The following UTP4 variants were observed in gnomAD, a reference collection of about 807,000 sequenced individuals.
The protein encoded by UTP4 is UTP4 small subunit processome component.
A neutral mutation model predicts 82.4 loss-of-function variants in UTP4; 45 were observed. The ratio of observed to expected loss-of-function variants is 0.55; its 90% confidence interval spans 0.43 to 0.70. The LOEUF is 0.70. UTP4 is among the 30% of genes least tolerant of loss of function. UTP4 has a pLI of 0.00. For synonymous variants in UTP4, 348 were observed against 300.3 expected, an observed-to-expected ratio of 1.16 and a Z score of -1.64; for missense variants, 819 against 858.3, an observed-to-expected ratio of 0.95 and a Z score of 0.57.
At position 69,157,230 on chromosome 16, in the gene UTP4, G is replaced by C; in HGVS notation, c.1434G>C (p.Gln478His). The change falls in exon 12 of 17, where the codon CAG (glutamine) becomes CAC (histidine). Residue 478 changes from glutamine to histidine, a missense_variant. By Grantham distance (24) the Gln-to-His change is conservative. Transcript: ENST00000314423. ...GGSFKHLHAF[Q>H]PQSGTVEAMC... is the part of the protein sequence containing the mutation. The stretch of plus-strand genomic sequence containing the variant: ...GCTTCAAGCACCTGCATGCTTTCCA[G>C]CCTCAGTCAGGTGGGAATCTGGTAA... 6.2e-7 allele frequency: 1 copy of C among 1,614,072 alleles called. No individual in the cohort carries two copies. The highest frequency in any genetic ancestry group is 8.5e-7 in the Non-Finnish European group (1 of 1,179,986).
At chr16:69,149,995 T>C (rs752013185) in intron 6 of UTP4, among the ~76,000 whole-genome samples, 2 of 152,216 alleles carry the variant, frequency 1.3e-5, no homozygotes, top group African/African-American at 2.4e-5. Context: ...CTCAAAGTGC[T>C]GGGATTATAG....
intron 15 of UTP4, chr16:69,166,742 G>T: frequency 3.2e-6 from 1 of 317,194 alleles, no homozygotes; most frequent in South Asian, 3.3e-5. Flanking sequence ...ATACTGATGA[G>T]ACAGGCCAGA....
At chr16:69,155,499 C>T (rs1963387412) in intron 10 of UTP4, among the ~76,000 whole-genome samples, 1 of 152,190 alleles carries the variant, frequency 6.6e-6, no homozygotes, top group Admixed American at 6.6e-5. Context: ...TCTTAGAAGT[C>T]TTTAAAGCAG....
chr16:69,156,616 G>T (rs1183310598), intron 11 of UTP4, among the ~76,000 whole-genome samples: 1 of 151,584 alleles, frequency 6.6e-6, no homozygotes, highest in African/African-American at 2.4e-5. Context: ...CCACCACCAG[G>T]CCTGGCTACT....
At chr16:69,138,049 T>C in intron 4 of UTP4, 164 bp downstream of exon 4, 3 of 629,048 alleles carry the variant, frequency 4.8e-6, no homozygotes, top group Non-Finnish European at 8.5e-6. Context: ...GCTTTACCCA[T>C]TGTATAGCAT....
Position 69,155,956 on chromosome 16 carries a change from G to A in UTP4, c.1250G>A (p.Arg417Gln), listed in dbSNP as rs145912451. The change falls in exon 11 of 17, where the codon CGG becomes CAG. Residue 417 changes from arginine to glutamine, a missense_variant. Coordinates refer to ENST00000314423, the MANE Select transcript of UTP4 (RefSeq NM_032830.3). ...YSTVSRFFLY[R>Q]LNYEHDNISL... ...ACAGTTTCTCGGTTTTTTCTCTATC[G>A]GCTGAATTATGAACATGACAACATA... 3.7e-6 allele frequency: 6 copies of A among 1,613,846 alleles called. No individual in the cohort carries two copies. Among genetic ancestry groups the A allele is most frequent in the South Asian group, 1.1e-5 (1 of 91,076 alleles).
intron 4 of UTP4, among the ~76,000 whole-genome samples, chr16:69,138,703 C>T (rs915224863): frequency 5.4e-4 from 83 of 152,328 alleles, no homozygotes; most frequent in African/African-American, 1.9e-3. Flanking sequence ...ACATTTTAGG[C>T]TTTGCCAAAC....
chr16:69,147,782 G>A (rs2152279514), intron 6 of UTP4, among the ~76,000 whole-genome samples: 1 of 152,288 alleles, frequency 6.6e-6, no homozygotes. Context: ...ATGAAACACA[G>A]TTTTGACTGT....
At chr16:69,138,769 G>A (rs1368441458) in intron 4 of UTP4, among the ~76,000 whole-genome samples, 2 of 152,098 alleles carry the variant, frequency 1.3e-5, no homozygotes, top group African/African-American at 4.8e-5. Context: ...AGACGATACT[G>A]AAACTAATGG....
rs1962830364 is a variant in UTP4 at position 69,136,985 on chromosome 16, C to T, written c.351+98C>T. 5.0e-6 allele frequency: 5 copies of T among 1,001,746 alleles called. No individual in the cohort carries two copies. In the East Asian group the frequency reaches 1.2e-4, roughly 24 times the overall value. The allele number at this position is 1,001,746 out of a possible 1,614,324, so 62.1% of individuals were successfully genotyped here. ...ATAGGAGAGTAACGATATATTATGGCATGTGGCAACCCCAACTATAAGATT... is the reference window on the plus strand; with the variant it reads ...ATAGGAGAGTAACGATATATTATGGTATGTGGCAACCCCAACTATAAGATT... On this transcript the variant is annotated intron_variant, in intron 3 of 16. Transcript: ENST00000314423.
chr16:69,147,570 G>A (rs1452312781), intron 6 of UTP4, among the ~76,000 whole-genome samples: 5 of 152,128 alleles, frequency 3.3e-5, no homozygotes, highest in Non-Finnish European at 7.4e-5. Context: ...TACAGGTTGA[G>A]TGTCTCTGAT....
rs1337025733 is a variant in UTP4, at chr16:69,143,320, A to G, written c.669A>G (p.Ser223=). ...CTGGGAAGGTGCAGTTCTGGGACTC[A>G]GCCACTGGGACGCTTGTGAAGAGCC... ...DSAGKVQFWD[S]ATGTLVKSHL... is the part of the protein sequence containing the mutation. Residue 223 remains serine (S), a synonymous_variant, in exon 6 of 17, where the codon TCA becomes TCG. Coordinates refer to ENST00000314423, the MANE Select transcript of UTP4 (RefSeq NM_032830.3). The G allele has an allele frequency of 1.2e-6, 2 of 1,614,092 alleles. No individual in the cohort carries two copies. Among genetic ancestry groups the G allele is most frequent in the Non-Finnish European group, 1.7e-6 (2 of 1,180,046 alleles).
intron 4 of UTP4, chr16:69,138,089 T>C (rs746921295): frequency 5.4e-6 from 3 of 560,220 alleles, no homozygotes; most frequent in African/African-American, 1.9e-5. Flanking sequence ...AGTAATAATA[T>C]AGAAAACCAG....
intron 8 of UTP4, among the ~76,000 whole-genome samples, chr16:69,153,100 G>C (rs140408557): frequency 6.6e-6 from 1 of 152,222 alleles, no homozygotes; most frequent in Non-Finnish European, 1.5e-5. Flanking sequence ...CCCCCACCCA[G>C]GCTAGCCATT....
intron 15 of UTP4, chr16:69,166,642 T>G (rs1186832285): frequency 5.8e-6 from 1 of 173,696 alleles, no homozygotes; most frequent in African/African-American, 2.4e-5. Context: ...TTGTCCAGTC[T>G]GTGATCTGGT....
At position 69,150,691 on chromosome 16, in the gene UTP4, C is replaced by T; in HGVS notation, c.893C>T (p.Thr298Ile). ...HDVRTVAHSP[T>I]ALISGGTDTH... is the part of the protein sequence containing the mutation. ...GTGCGCACTGTGGCCCACAGCCCAA[C>T]AGCGCTGATATCTGGAGGTGGGTTC... The change falls in exon 7 of 17, where the codon ACA becomes ATA. Residue 298 changes from threonine (T) to isoleucine (I), a missense_variant. Physicochemically the swap from Thr to Ile is moderately conservative, Grantham distance 89. Coordinates refer to ENST00000314423, the MANE Select transcript of UTP4 (RefSeq NM_032830.3). The T allele has an allele frequency of 1.9e-6, 3 of 1,614,224 alleles. No individual in the cohort carries two copies. In the East Asian group the frequency reaches 6.7e-5, roughly 36 times the overall value.
intron 13 of UTP4, among the ~76,000 whole-genome samples, chr16:69,161,781 A>C (rs1447573720): frequency 6.6e-6 from 1 of 152,132 alleles, no homozygotes; most frequent in Non-Finnish European, 1.5e-5. Flanking sequence ...CTTCCACCTC[A>C]GTGTCCTGAG....
chr16:69,159,998 C>A (rs867547699), intron 12 of UTP4, among the ~76,000 whole-genome samples: 1,621 of 147,142 alleles, frequency 0.011, 8 homozygotes, highest in South Asian at 0.017. Flanking sequence ...AAAAAAAAAA[C>A]AAAAAACAGA....
chr16:69,167,404 T>C, intron 16 of UTP4: 1 of 549,850 alleles, frequency 1.8e-6, no homozygotes, highest in East Asian at 3.2e-5. Flanking sequence ...TTAACCAAAA[T>C]GAAATGCGTA....
Sources: allele counts gnomAD v4.1 joint callset (sites outside exome capture counted in the v4.1 genomes callset), GRCh38; gene constraint gnomAD v4.1.1; transcripts MANE v1.5; gene names NCBI Gene and HGNC (gene_info 2026-07-23, HGNC 2026-07-21).